The following ZNF91 variants were observed in gnomAD, a reference collection of about 807,000 sequenced individuals.
ZNF91 encodes the protein zinc finger protein 91 (HPF7, HTF10).
Under a neutral mutation model 12.6 loss-of-function variants are expected in ZNF91, and 7 were observed. The ratio of observed to expected loss-of-function variants is 0.55; its 90% CI spans 0.31 to 1.04. The LOEUF (loss-of-function observed/expected upper bound fraction) is 1.04. Ranked by LOEUF, ZNF91 falls within the 50% of genes least tolerant of loss-of-function variation. The pLI is 0.05. For missense variants in ZNF91, 1,217 were observed against 1,385.4 expected, an observed-to-expected ratio of 0.88 and a Z score of 1.93; for synonymous variants, 453 against 462.6, an observed-to-expected ratio of 0.98 and a Z score of 0.27.
downstream of ZNF91, among the ~76,000 whole-genome samples, chr19:23,333,830 G>A (rs1051601390): frequency 1.3e-5 from 2 of 152,164 alleles, no homozygotes; most frequent in African/African-American, 4.8e-5. Context: ...CAAAGCAATA[G>A]TGGAAAGCAA....
chr19:23,379,154 A>G (rs544216996), intron 1 of ZNF91, among the ~76,000 whole-genome samples: 2 of 152,322 alleles, frequency 1.3e-5, no homozygotes, highest in Non-Finnish European at 2.9e-5. Flanking sequence ...TGGTCCAATA[A>G]TAAGCCAGCA....
intron 1 of ZNF91, among the ~76,000 whole-genome samples, chr19:23,375,732 G>T (rs1042833065): frequency 6.6e-6 from 1 of 151,962 alleles, no homozygotes; most frequent in Non-Finnish European, 1.5e-5. Context: ...AAAAAGGGCA[G>T]CTGCCAGATT....
chr19:23,384,649 C>A, intron 1 of ZNF91: 1 of 645,572 alleles, frequency 1.5e-6, no homozygotes, highest in Non-Finnish European at 2.5e-6. Flanking sequence ...TTTTGCCATA[C>A]CATCCAAATC....
chr19:23,351,152 C>T (rs1968355250), intron 3 of ZNF91, among the ~76,000 whole-genome samples: 1 of 151,964 alleles, frequency 6.6e-6, no homozygotes, highest in African/African-American at 2.4e-5. Context: ...ATGGTGAAAC[C>T]TCATCTCTAC....
chr19:23,340,747 T>C (rs2145881649), intron 3 of ZNF91, among the ~76,000 whole-genome samples: 1 of 150,046 alleles, frequency 6.7e-6, no homozygotes, highest in Non-Finnish European at 1.5e-5. Context: ...TTATTTATTA[T>C]ATTATTATTA....
chr19:23,308,815 A>AG (rs1258945432), intron 2 of ZNF91: 2 of 151,962 alleles, frequency 1.3e-5, no homozygotes, highest in African/African-American at 4.8e-5. Context: ...CCCTCTTCTT[A>AG]GGGGCATTTG....
downstream of ZNF91, chr19:23,338,357 G>A (rs1968054563): frequency 2.0e-5 from 3 of 151,830 alleles, no homozygotes; most frequent in Non-Finnish European, 2.9e-5. Context: ...GAATGGGATG[G>A]CACTTTTAGA....
At chr19:23,325,795 T>G (rs1451441836) in intron 1 of ZNF91, 1 of 152,274 alleles carries the variant, frequency 6.6e-6, no homozygotes, top group Non-Finnish European at 1.5e-5. Flanking sequence ...GTTAATTTTC[T>G]GCCTCCAGTT....
chr19:23,343,940 C>A (rs1362086258), intron 3 of ZNF91, among the ~76,000 whole-genome samples: 1 of 152,132 alleles, frequency 6.6e-6, no homozygotes, highest in Non-Finnish European at 1.5e-5. Flanking sequence ...GTTAATAATA[C>A]AGTTTTTAGA....
Position 23,373,932 on chromosome 19 carries a change from C to T in ZNF91, c.158-95G>A. On this transcript the variant is annotated intron_variant, in intron 2 of 3. Transcript: ENST00000300619. ...AGTAAAGAGCATATAATAGAATATTCTAATAAATTGTCCCAATATACTAAT... is the reference window on the plus strand; with the variant it reads ...AGTAAAGAGCATATAATAGAATATTTTAATAAATTGTCCCAATATACTAAT... 3 of 690,832 alleles carry T rather than the reference C, an allele frequency of 4.3e-6. No individual in the cohort carries two copies. The South Asian group carries it at 1.0e-4, about 24-fold the overall frequency. The allele number at this position is 690,832 out of a possible 1,614,324, so 42.8% of individuals were successfully genotyped here.
chr19:23,327,797 G>T (rs964662882), intron 1 of ZNF91: 2 of 152,062 alleles, frequency 1.3e-5, no homozygotes, highest in African/African-American at 4.8e-5. Flanking sequence ...CTGTGATTTG[G>T]TTGGTTAAAT....
At chr19:23,319,997 C>T (rs1967653135) in intron 1 of ZNF91, among the ~76,000 whole-genome samples, 1 of 152,144 alleles carries the variant, frequency 6.6e-6, no homozygotes, top group Admixed American at 6.5e-5. Context: ...ACAAGTGGTA[C>T]AGAGAGTGTC....
chr19:23,347,597 C>T lies in ZNF91; in HGVS notation c.254-8543G>A, dbSNP rs1338413236. Among the ~76,000 whole-genome samples, 3 of 152,280 alleles carry T rather than the reference C, an allele frequency of 2.0e-5. No individual in the cohort carries two copies. The East Asian group carries it at 5.8e-4, about 29-fold the overall frequency. On this transcript the variant is annotated intron_variant, in intron 3 of 3. Transcript: ENST00000599743. The stretch of plus-strand genomic sequence containing the variant: ...CATGGTATGTCAAGGAAGGGTGCTT[C>T]CTTCTTCCTCACTCTCAAACAATCT...
rs1205119443 is a variant in ZNF91 at position 23,359,778 on chromosome 19, T to C, written c.3201A>G (p.Gly1067=). Residue 1067 remains glycine (G), a synonymous_variant, in exon 4 of 4, where the codon GGA becomes GGG. Transcript: ENST00000300619. ...KAFISSSTLN[G]HKRIHTREKP... ...TCTCTCTAGTATGAATTCTCTTATG[T>C]CCATTTAGGGTTGAGGATGATATAA... 1 of 1,614,058 alleles carries C rather than the reference T, an allele frequency of 6.2e-7. No individual in the cohort carries two copies. Among genetic ancestry groups the C allele is most frequent in the African/African-American group, 1.3e-5 (1 of 75,004 alleles).
At chr19:23,374,569 A>AG in intron 2 of ZNF91, 69 bp downstream of exon 2, 1 of 1,395,838 alleles carries the variant, frequency 7.2e-7, no homozygotes, top group Non-Finnish European at 9.5e-7. Flanking sequence ...CAAAAAAAAA[A>AG]AAAAAAAAAA....
intron 3 of ZNF91, among the ~76,000 whole-genome samples, chr19:23,347,065 C>G (rs183784275): frequency 6.6e-6 from 1 of 151,972 alleles, no homozygotes; most frequent in Non-Finnish European, 1.5e-5. Context: ...TAGATGGCAG[C>G]TCCTTCCTAC....
intron 3 of ZNF91, among the ~76,000 whole-genome samples, chr19:23,349,003 A>G (rs1363556157): frequency 6.6e-6 from 1 of 152,082 alleles, no homozygotes; most frequent in African/African-American, 2.4e-5. Context: ...GCTTGCTAGG[A>G]TTGGGAAATT....
intron 3 of ZNF91, among the ~76,000 whole-genome samples, chr19:23,362,967 G>C (rs746274394): frequency 6.6e-6 from 1 of 152,044 alleles, no homozygotes; most frequent in African/African-American, 2.4e-5. Flanking sequence ...CCTGCCTCCT[G>C]GGTTCACGCC....
At chr19:23,323,644 T>G (rs1266892230) in intron 1 of ZNF91, among the ~76,000 whole-genome samples, 1 of 129,106 alleles carries the variant, frequency 7.7e-6, no homozygotes, top group Non-Finnish European at 1.6e-5. Context: ...CTCCTTCTCT[T>G]CTCCTCTCCT....
Sources: gnomAD v4.1 joint callset for allele counts (sites outside exome capture counted in the v4.1 genomes callset) on GRCh38, gnomAD v4.1.1 for gene constraint, MANE v1.5 for transcripts, NCBI Gene and HGNC (gene_info 2026-07-23, HGNC 2026-07-21) for gene names.